KALRN: variants seen among roughly 807,000 people sequenced by gnomAD.
KALRN encodes the protein kalirin RhoGEF kinase, also known as kalirin.
In KALRN, 70 loss-of-function variants were observed where a neutral mutation model predicts 353.7. The observed-to-expected ratio is 0.20, with a 90% CI of 0.16 to 0.24. The LOEUF is 0.24. Among genes scored for constraint, KALRN ranks in the 10% least tolerant of loss-of-function variants. The probability of loss-of-function intolerance (pLI) is 1.00; values close to 1 mark genes in which losing one functional copy is unlikely to be tolerated. For synonymous variants in KALRN, 1,391 were observed against 1,434.8 expected (o/e 0.97, Z 0.69); for missense variants, 2,791 against 3,756.7 (o/e 0.74, Z 6.72).
chr3:124,623,400 A>T (rs59564597), intron 34 of KALRN, among the ~76,000 whole-genome samples: 3 of 37,452 alleles, frequency 8.0e-5, no homozygotes, highest in Admixed American at 2.6e-4. Context: ...ATTTATTTAT[A>T]CACACACACA....
chr3:124,169,972 G>C (rs912956366), intron 1 of KALRN, among the ~76,000 whole-genome samples: 1 of 152,204 alleles, frequency 6.6e-6, no homozygotes, highest in Non-Finnish European at 1.5e-5. Flanking sequence ...CCCATTGTTG[G>C]ATATGAGAAT....
intron 3 of KALRN, among the ~76,000 whole-genome samples, chr3:124,258,539 ATTC>A (rs2072371489): frequency 6.6e-6 from 1 of 152,064 alleles, no homozygotes; most frequent in Non-Finnish European, 1.5e-5. Flanking sequence ...TGTCAATTCT[ATTC>A]TTGACTCAGA....
At chr3:124,656,928 CA>C (rs1352203469) in intron 39 of KALRN, among the ~76,000 whole-genome samples, 1 of 152,108 alleles carries the variant, frequency 6.6e-6, no homozygotes, top group Non-Finnish European at 1.5e-5. Context: ...GGCTGAAATG[CA>C]GGGAACTCAG....
chr3:124,531,034 C>A (rs946326667), intron 33 of KALRN, among the ~76,000 whole-genome samples: 5 of 152,128 alleles, frequency 3.3e-5, no homozygotes, highest in Non-Finnish European at 7.4e-5. Flanking sequence ...TCATTATAGG[C>A]CCTCAGGGAT....
chr3:124,128,033 G>A (rs1251664117), intron 1 of KALRN, among the ~76,000 whole-genome samples: 1 of 151,992 alleles, frequency 6.6e-6, no homozygotes, highest in Admixed American at 6.6e-5. Flanking sequence ...TTGACATGTA[G>A]AATATGTTTT....
chr3:124,678,401 TA>T (rs2087438153), intron 50 of KALRN, 88 bp downstream of exon 50: 10 of 1,465,292 alleles, frequency 6.8e-6, no homozygotes, highest in South Asian at 5.4e-5. Flanking sequence ...GTGGATGGGT[TA>T]TTTTTTTTTT....
chr3:124,152,164 C>T (rs1578668473), intron 1 of KALRN: 19 of 1,481,014 alleles, frequency 1.3e-5, no homozygotes, highest in South Asian at 7.9e-5. Flanking sequence ...TGCAAGAGAT[C>T]GAACAATCAA....
chr3:124,401,308 C>G (rs2090836934), intron 13 of KALRN, among the ~76,000 whole-genome samples: 1 of 152,102 alleles, frequency 6.6e-6, no homozygotes, highest in Non-Finnish European at 1.5e-5. Flanking sequence ...AGCTCAAGAC[C>G]AGCCTGGGCA....
rs559220157 is a variant in KALRN at position 124,724,876 on chromosome 3, A to G, written c.*5406A>G. 50 of 152,306 alleles carry G rather than the reference A, an allele frequency of 3.3e-4. No individual in the cohort carries two copies. In the South Asian group the frequency reaches 7.0e-3, roughly 21 times the overall value. 9.4% of individuals were successfully genotyped at this position (152,306 alleles called of 1,614,324 possible). On this transcript the variant is annotated 3_prime_UTR_variant, in exon 60 of 60. Coordinates refer to ENST00000682506, the MANE Select transcript of KALRN (RefSeq NM_001388419.1). ...AGCCTGAAATTAATACGCACAGGCT[A>G]TTGCATTTTTCTGTGAGAAATGTGC...
At chr3:124,494,953 A>G (rs1363127352) in intron 32 of KALRN, among the ~76,000 whole-genome samples, 1 of 152,176 alleles carries the variant, frequency 6.6e-6, no homozygotes, top group Non-Finnish European at 1.5e-5. Context: ...TAATTCACCC[A>G]ACTCCAACTC....
chr3:124,683,728 G>A (rs927871808), intron 51 of KALRN, among the ~76,000 whole-genome samples: 2 of 152,126 alleles, frequency 1.3e-5, no homozygotes, highest in South Asian at 2.1e-4. Context: ...AAGTGCAGAC[G>A]TTATCCTCAG....
At position 124,667,193 on chromosome 3, in the gene KALRN, G is replaced by A; in HGVS notation, c.6703+10G>A. ...CGAGACTTTTTGAATGGTGGGTGCTGGGCTTGGTTCCTTGCAGGGCTGTGT... is the reference window on the plus strand; with the variant it reads ...CGAGACTTTTTGAATGGTGGGTGCTAGGCTTGGTTCCTTGCAGGGCTGTGT... On this transcript the variant is annotated intron_variant, in intron 47 of 59. Transcript: ENST00000682506. 1 of 1,611,936 alleles carries A rather than the reference G, an allele frequency of 6.2e-7. No individual in the cohort carries two copies. Among genetic ancestry groups the A allele is most frequent in the Non-Finnish European group, 8.5e-7 (1 of 1,178,588 alleles).
At chr3:124,703,985 T>C (rs1195118044) in intron 57 of KALRN, among the ~76,000 whole-genome samples, 1 of 152,278 alleles carries the variant, frequency 6.6e-6, no homozygotes, top group East Asian at 1.9e-4. Flanking sequence ...AAGTATATTT[T>C]CAGTAAAGGA....
At chr3:124,123,199 C>A (rs368045393) in intron 1 of KALRN, among the ~76,000 whole-genome samples, 109 of 143,590 alleles carry the variant, frequency 7.6e-4, no homozygotes, top group Admixed American at 8.3e-4. Context: ...GACTCCATCT[C>A]AAAAAAAAAA....
intron 34 of KALRN, among the ~76,000 whole-genome samples, chr3:124,586,828 A>C (rs1156779541): frequency 6.6e-6 from 1 of 152,064 alleles, no homozygotes; most frequent in Non-Finnish European, 1.5e-5. Flanking sequence ...TCATCAGAGG[A>C]CGATGGTGGG....
intron 17 of KALRN, among the ~76,000 whole-genome samples, chr3:124,436,457 G>A (rs1447937302): frequency 1.3e-5 from 2 of 152,352 alleles, no homozygotes; most frequent in East Asian, 1.9e-4. Context: ...CTGCCTGCAC[G>A]TTTCAGGCCT....
chr3:124,708,237 G>A (rs2062732468), intron 57 of KALRN, among the ~76,000 whole-genome samples: 1 of 152,148 alleles, frequency 6.6e-6, no homozygotes, highest in Non-Finnish European at 1.5e-5. Flanking sequence ...ATCTAAATTT[G>A]TTCAACATTA....
intron 47 of KALRN, among the ~76,000 whole-genome samples, chr3:124,670,515 G>C (rs2086275543): frequency 6.6e-6 from 1 of 151,864 alleles, no homozygotes; most frequent in African/African-American, 2.4e-5. Context: ...ACAGAGATGT[G>C]TGCAGGCATC....
At chr3:124,587,346 C>T (rs1040153147) in intron 34 of KALRN, among the ~76,000 whole-genome samples, 2 of 152,298 alleles carry the variant, frequency 1.3e-5, no homozygotes, top group Middle Eastern at 3.4e-3. Context: ...TGCTGTGGTT[C>T]CCAAGGCAAG....
Sources: allele counts gnomAD v4.1 joint callset (sites outside exome capture counted in the v4.1 genomes callset), GRCh38; gene constraint gnomAD v4.1.1; transcripts MANE v1.5; gene names NCBI Gene and HGNC (gene_info 2026-07-23, HGNC 2026-07-21).